Variants in SARAF observed in about 807,000 individuals in gnomAD.
SARAF encodes store-operated calcium entry-associated regulatory factor.
In SARAF, 23 loss-of-function variants were observed where a neutral mutation model predicts 39.7. That is an observed-to-expected ratio of 0.58 (90% CI 0.42 to 0.82). The LOEUF (loss-of-function observed/expected upper bound fraction) is 0.82, where lower values mean the gene tolerates loss of function less well. Ranked by LOEUF, SARAF falls within the 40% of genes least tolerant of loss-of-function variation. The pLI is 0.00. For synonymous variants in SARAF, 175 were observed against 168.5 expected, an observed-to-expected ratio of 1.04 and a Z score of -0.30; for missense variants, 384 against 418.5, an observed-to-expected ratio of 0.92 and a Z score of 0.72.
At chr8:30,064,833 T>C (rs759829039) in intron 5 of SARAF, among the ~76,000 whole-genome samples, 11 of 151,956 alleles carry the variant, frequency 7.2e-5, no homozygotes, top group Non-Finnish European at 1.6e-4. Flanking sequence ...AAAGTGCTGG[T>C]ATTACAGGTG....
intron 1 of SARAF, among the ~76,000 whole-genome samples, chr8:30,076,285 A>G (rs186201897): frequency 1.0e-3 from 158 of 152,352 alleles, no homozygotes; most frequent in Non-Finnish European, 1.8e-3. Flanking sequence ...GACTGCTGAA[A>G]GCACAGTTCT....
chr8:30,082,043 G>A (rs779452520), intron 1 of SARAF, among the ~76,000 whole-genome samples: 4 of 152,104 alleles, frequency 2.6e-5, no homozygotes, highest in African/African-American at 9.7e-5. Flanking sequence ...TCAGATAAGA[G>A]GCAGCGGTTC....
At chr8:30,072,007 A>G (rs1441283601) in intron 2 of SARAF, among the ~76,000 whole-genome samples, 1 of 152,210 alleles carries the variant, frequency 6.6e-6, no homozygotes, top group Admixed American at 6.5e-5. Context: ...TGGTAACTCT[A>G]CATTTAAACT....
intron 1 of SARAF, among the ~76,000 whole-genome samples, chr8:30,075,922 A>G (rs1378425799): frequency 6.6e-6 from 1 of 151,070 alleles, no homozygotes; most frequent in Non-Finnish European, 1.5e-5. Flanking sequence ...GTGAAAGACA[A>G]ATGCCAGAAC....
intron 1 of SARAF, among the ~76,000 whole-genome samples, chr8:30,080,569 GGTAAA>G (rs1252639882): frequency 3.3e-5 from 5 of 152,194 alleles, no homozygotes; most frequent in Non-Finnish European, 1.5e-5. Context: ...CCCCAATAGA[GGTAAA>G]GTCCTTGGAG....
intron 3 of SARAF, among the ~76,000 whole-genome samples, chr8:30,067,322 TA>T (rs1465118098): frequency 6.6e-6 from 1 of 152,228 alleles, no homozygotes; most frequent in African/African-American, 2.4e-5. Flanking sequence ...GGCAGCCAGA[TA>T]TTTATTTGTG....
At chr8:30,072,194 CTAA>C (rs766090330) in intron 2 of SARAF, among the ~76,000 whole-genome samples, 26 of 152,166 alleles carry the variant, frequency 1.7e-4, no homozygotes, top group Admixed American at 3.9e-4. Flanking sequence ...TCTCTGATGG[CTAA>C]TAATAAGGAA....
intron 3 of SARAF, among the ~76,000 whole-genome samples, chr8:30,067,439 G>A (rs1310137452): frequency 2.6e-5 from 4 of 152,082 alleles, no homozygotes; most frequent in African/African-American, 4.8e-5. Context: ...AATCTTACAC[G>A]TGTGGCACAA....
At chr8:30,071,361 A>G (rs1801838196) in intron 2 of SARAF, among the ~76,000 whole-genome samples, 1 of 152,208 alleles carries the variant, frequency 6.6e-6, no homozygotes, top group African/African-American at 2.4e-5. Flanking sequence ...AAAAAAAATG[A>G]AAAAAGACAC....
chr8:30,068,616 T>C (rs1363674095), intron 3 of SARAF, among the ~76,000 whole-genome samples: 1 of 116,926 alleles, frequency 8.6e-6, no homozygotes, highest in Non-Finnish European at 1.6e-5. Flanking sequence ...TCCACAAAGC[T>C]GGTCCCTGGT....
At chr8:30,076,288 A>C (rs1400420033) in intron 1 of SARAF, among the ~76,000 whole-genome samples, 1 of 152,228 alleles carries the variant, frequency 6.6e-6, no homozygotes, top group Non-Finnish European at 1.5e-5. Flanking sequence ...TGCTGAAAGC[A>C]CAGTTCTCCT....
chr8:30,076,914 T>A (rs1022364310), intron 1 of SARAF, among the ~76,000 whole-genome samples: 1 of 152,066 alleles, frequency 6.6e-6, no homozygotes, highest in Non-Finnish European at 1.5e-5. Context: ...TGGTATTGTG[T>A]TACAGTAACA....
In SARAF at chr8:30,082,932, C is replaced by A; in HGVS notation, c.18G>T (p.Gly6=). MAAAC[G]PGAAGYCLLL... ...GCAAGCAGTACCCGGCCGCTCCCGGCCCGCAGGCTGCGGCCATGGCGCTCG... is the reference window on the plus strand; with the variant it reads ...GCAAGCAGTACCCGGCCGCTCCCGGACCGCAGGCTGCGGCCATGGCGCTCG... The change falls in exon 1 of 6, where the codon GGG becomes GGT. Residue 6 remains glycine, a synonymous_variant. Transcript: ENST00000256255. 1.9e-6 allele frequency: 3 copies of A among 1,547,390 alleles called. No individual in the cohort carries two copies. The highest frequency in any genetic ancestry group is 2.5e-5 in the East Asian group (1 of 40,216).
chr8:30,066,674 TCAC>T, intron 4 of SARAF, 100 bp downstream of exon 4: 2 of 1,428,148 alleles, frequency 1.4e-6, no homozygotes, highest in Non-Finnish European at 1.9e-6. Context: ...TAGGCTAACG[TCAC>T]CACAATTTAT....
rs541277369 is a variant in SARAF at position 30,063,347 on chromosome 8, G to A, written c.*541C>T. ...AGAAGGTAATATTCAGTTACCAGAA[G>A]GCCATCTCCACCACTGAATGATTCA... On this transcript the variant is annotated 3_prime_UTR_variant, in exon 6 of 6. Coordinates refer to ENST00000256255, the MANE Select transcript of SARAF (RefSeq NM_016127.6). 6.5e-6 allele frequency: 1 copy of A among 152,920 alleles called. No individual in the cohort carries two copies. Among genetic ancestry groups the A allele is most frequent in the East Asian group, 1.9e-4 (1 of 5,188 alleles). 9.5% of individuals were successfully genotyped at this position (152,920 alleles called of 1,614,324 possible). A position where few individuals can be genotyped will look rare whatever the true frequency, so the allele number is the denominator to read the frequency against.
At chr8:30,071,271 C>G (rs1392785263) in intron 2 of SARAF, among the ~76,000 whole-genome samples, 2 of 152,142 alleles carry the variant, frequency 1.3e-5, no homozygotes, top group Non-Finnish European at 2.9e-5. Flanking sequence ...GACTTGAACC[C>G]AGAGGCAGAG....
chr8:30,069,853 A>G lies in SARAF; in HGVS notation c.489T>C (p.Tyr163=), dbSNP rs1801791513. The change falls in exon 3 of 6, where the codon TAT becomes TAC. Residue 163 remains tyrosine, a synonymous_variant. Coordinates refer to ENST00000256255, the MANE Select transcript of SARAF (RefSeq NM_016127.6). ...HGFASFSDYY[Y]KWSSADSCNM... ...TACAGGAATCCGCCGAGGACCACTT[A>G]TAATAATAATCAGAGAAAGAGGCAA... 1 of 1,613,792 alleles carries G rather than the reference A, an allele frequency of 6.2e-7. No individual in the cohort carries two copies. Among genetic ancestry groups the G allele is most frequent in the Non-Finnish European group, 8.5e-7 (1 of 1,179,784 alleles).
At position 30,072,309 on chromosome 8, in the gene SARAF, AAG is replaced by A. The variant is rs1468387200; in HGVS notation, c.282+1566_282+1567del. On this transcript the variant is annotated intron_variant, in intron 2 of 5. Transcript: ENST00000256255. ...CTTGGTTGTTTTCTTACTGAGTTGTAAGAGTTATTTTATATTCTAAATACAAG... is the reference window on the plus strand; with the variant it reads ...CTTGGTTGTTTTCTTACTGAGTTGTAAGTTATTTTATATTCTAAATACAAG... 3.5e-4 allele frequency among the ~76,000 whole-genome samples: 54 copies of A among 152,306 alleles called. 1 individual carries two copies. The highest frequency in any genetic ancestry group is 1.3e-3 in the African/African-American group (54 of 41,570).
chr8:30,081,286 A>C (rs1254205193), intron 1 of SARAF, among the ~76,000 whole-genome samples: 1 of 152,208 alleles, frequency 6.6e-6, no homozygotes, highest in African/African-American at 2.4e-5. Flanking sequence ...GAAGTGGTTC[A>C]TCTTTAATTT....
Sources: allele counts gnomAD v4.1 joint callset (sites outside exome capture counted in the v4.1 genomes callset), GRCh38; gene constraint gnomAD v4.1.1; transcripts MANE v1.5; gene names NCBI Gene and HGNC (gene_info 2026-07-23, HGNC 2026-07-21).